Variants in DPF3 observed in about 807,000 individuals in gnomAD.
DPF3 encodes zinc finger protein DPF3.
Under a neutral mutation model 56.8 loss-of-function variants are expected in DPF3, and 18 were observed. The ratio of observed to expected loss-of-function variants is 0.32; its 90% CI spans 0.22 to 0.47. The LOEUF is 0.47. Among genes scored for constraint, DPF3 ranks in the 20% least tolerant of loss-of-function variants. The pLI, the probability that DPF3 is intolerant of heterozygous loss-of-function variation, is 1.00. For missense variants in DPF3, 403 were observed against 488.8 expected, an observed-to-expected ratio of 0.82 and a Z score of 1.65; for synonymous variants, 188 against 180.2, an observed-to-expected ratio of 1.04 and a Z score of -0.35.
At chr14:72,861,105 T>A (rs1885388671) in intron 1 of DPF3, among the ~76,000 whole-genome samples, 1 of 151,724 alleles carries the variant, frequency 6.6e-6, no homozygotes, top group South Asian at 2.1e-4. Context: ...CATCCCCCTA[T>A]GCTCCATCTG....
intron 1 of DPF3, among the ~76,000 whole-genome samples, chr14:72,779,009 C>T (rs1891861896): frequency 1.3e-5 from 2 of 152,326 alleles, no homozygotes; most frequent in South Asian, 4.1e-4. Flanking sequence ...AAGGCCACCC[C>T]CTGGAGTGGT....
intron 6 of DPF3, among the ~76,000 whole-genome samples, chr14:72,700,923 A>G (rs1888131604): frequency 6.6e-6 from 1 of 152,250 alleles, no homozygotes. Context: ...AAGTGGCCCA[A>G]CAAAGAGAAT....
chr14:72,843,955 T>G (rs147515547), intron 1 of DPF3, among the ~76,000 whole-genome samples: 2 of 152,224 alleles, frequency 1.3e-5, no homozygotes, highest in Admixed American at 6.5e-5. Flanking sequence ...TAATCCCCAC[T>G]TTACACCCAG....
chr14:72,668,846 A>C (rs938453018), intron 8 of DPF3, among the ~76,000 whole-genome samples: 2 of 152,226 alleles, frequency 1.3e-5, no homozygotes, highest in Non-Finnish European at 2.9e-5. Flanking sequence ...CCATGAATCC[A>C]ATATCTGAGT....
chr14:72,661,083 TAC>T, intron 8 of DPF3: 1 of 985,480 alleles, frequency 1.0e-6, no homozygotes, highest in Non-Finnish European at 1.2e-6. Context: ...AACAGAAACT[TAC>T]ACACACTTGG....
At chr14:72,846,447 T>C (rs1370318041) in intron 1 of DPF3, among the ~76,000 whole-genome samples, 1 of 149,742 alleles carries the variant, frequency 6.7e-6, no homozygotes, top group African/African-American at 2.5e-5. Context: ...GCCATTCTCC[T>C]GCCACAGCCT....
At chr14:72,700,812 C>T (rs1202460765) in intron 6 of DPF3, among the ~76,000 whole-genome samples, 2 of 152,216 alleles carry the variant, frequency 1.3e-5, no homozygotes, top group Admixed American at 6.5e-5. Flanking sequence ...AGCACACCTG[C>T]TCCCCGCGGT....
intron 8 of DPF3, among the ~76,000 whole-genome samples, chr14:72,663,166 CA>C (rs56335418): frequency 0.011 from 930 of 88,504 alleles, 24 homozygotes; most frequent in African/African-American, 0.032. Context: ...TGGGTGTTAG[CA>C]AAAAAAAAAA....
chr14:72,795,277 CAA>C (rs578053636), intron 1 of DPF3, among the ~76,000 whole-genome samples: 12,532 of 109,296 alleles, frequency 0.11, 691 homozygotes, highest in Middle Eastern at 0.21. Context: ...CTCTTTTTGA[CAA>C]AAAAAAAAAA....
At chr14:72,877,414 A>C (rs774753972) in intron 1 of DPF3, among the ~76,000 whole-genome samples, 1 of 152,128 alleles carries the variant, frequency 6.6e-6, no homozygotes, top group Non-Finnish European at 1.5e-5. Context: ...TTATTCCATC[A>C]TTTGGGAGCA....
At chr14:72,733,003 C>T (rs1889732787) in intron 3 of DPF3, among the ~76,000 whole-genome samples, 1 of 151,958 alleles carries the variant, frequency 6.6e-6, no homozygotes, top group South Asian at 2.1e-4. Flanking sequence ...ACTATCATAG[C>T]TCACTGCAGC....
intron 1 of DPF3, among the ~76,000 whole-genome samples, chr14:72,888,467 A>G (rs1170897959): frequency 6.6e-6 from 1 of 152,196 alleles, no homozygotes; most frequent in Non-Finnish European, 1.5e-5. Context: ...CAAATTACAA[A>G]AACACTACAA....
intron 1 of DPF3, among the ~76,000 whole-genome samples, chr14:72,787,274 T>G (rs545067030): frequency 6.6e-6 from 1 of 152,296 alleles, no homozygotes; most frequent in East Asian, 1.9e-4. Flanking sequence ...TCCCATGGAA[T>G]AGGGAAAAGC....
Position 72,802,263 on chromosome 14 carries a change from T to C in DPF3, c.33-30370A>G, listed in dbSNP as rs1355289263. 1.1e-4 allele frequency among the ~76,000 whole-genome samples: 16 copies of C among 152,190 alleles called. 1 individual carries two copies. Among genetic ancestry groups the C allele is most frequent in the Admixed American group, 1.0e-3 (16 of 15,276 alleles). ...CACAGGACCAGCGAGTGCAGAGTCA[T>C]GGCGAACTGTACACAACCTGGAGTC... On this transcript the variant is annotated intron_variant, in intron 1 of 10. Transcript: ENST00000556509.
intron 8 of DPF3, among the ~76,000 whole-genome samples, chr14:72,657,760 C>T (rs1457950265): frequency 2.0e-5 from 3 of 152,188 alleles, no homozygotes; most frequent in African/African-American, 4.8e-5. Context: ...GGAACACAGC[C>T]ATGCCCATTC....
At chr14:72,758,084 C>T (rs1230606109) in intron 2 of DPF3, among the ~76,000 whole-genome samples, 2 of 152,132 alleles carry the variant, frequency 1.3e-5, no homozygotes, top group African/African-American at 2.4e-5. Context: ...TACAGTTAGA[C>T]TTTCTCATAA....
intron 1 of DPF3, among the ~76,000 whole-genome samples, chr14:72,858,325 A>C (rs931995255): frequency 2.0e-5 from 3 of 149,114 alleles, no homozygotes; most frequent in African/African-American, 7.5e-5. Flanking sequence ...AAAAAAAAAA[A>C]CCCAGGTGTG....
chr14:72,664,418 C>T (rs1886357930), intron 8 of DPF3, among the ~76,000 whole-genome samples: 1 of 152,154 alleles, frequency 6.6e-6, no homozygotes, highest in African/African-American at 2.4e-5. Context: ...GCACTCCTAA[C>T]TTCCATTTTC....
At chr14:72,755,802 G>GC (rs1471403186) in intron 2 of DPF3, among the ~76,000 whole-genome samples, 12 of 152,200 alleles carry the variant, frequency 7.9e-5, no homozygotes, top group African/African-American at 2.2e-4. Context: ...GCAAATGGTC[G>GC]CAAGAGCTCT....
Sources: gnomAD v4.1 joint callset for allele counts (sites outside exome capture counted in the v4.1 genomes callset) on GRCh38, gnomAD v4.1.1 for gene constraint, MANE v1.5 for transcripts, NCBI Gene and HGNC (gene_info 2026-07-23, HGNC 2026-07-21) for gene names.